Variants in RIPOR3 observed in about 807,000 individuals in gnomAD.
The protein encoded by RIPOR3 is family with sequence similarity 65 member C.
A neutral mutation model predicts 114.3 loss-of-function variants in RIPOR3; 95 were observed. The ratio of observed to expected loss-of-function variants is 0.83; its 90% CI spans 0.70 to 0.99. The LOEUF is 0.99. Ranked by LOEUF, RIPOR3 falls within the 50% of genes least tolerant of loss-of-function variation. The probability of loss-of-function intolerance (pLI) is 0.00; values close to 1 mark genes in which losing one functional copy is unlikely to be tolerated. For missense variants in RIPOR3, 1,252 were observed against 1,266.9 expected, an observed-to-expected ratio of 0.99 and a Z score of 0.18; for synonymous variants, 575 against 543.8, an observed-to-expected ratio of 1.06 and a Z score of -0.80.
At chr20:50,593,572 CAAA>C (rs1220033093) in intron 17 of RIPOR3, among the ~76,000 whole-genome samples, 1 of 142,096 alleles carries the variant, frequency 7.0e-6, no homozygotes, top group African/African-American at 2.6e-5. Flanking sequence ...AACCCCATCT[CAAA>C]AAAAAAAAGG....
chr20:50,678,772 T>G (rs1568964162), intron 1 of RIPOR3, among the ~76,000 whole-genome samples: 1 of 152,080 alleles, frequency 6.6e-6, no homozygotes, highest in African/African-American at 2.4e-5. Flanking sequence ...TGCAAGTGCT[T>G]TGCATGTTAT....
intron 3 of RIPOR3, among the ~76,000 whole-genome samples, chr20:50,617,753 G>A (rs1479672350): frequency 1.3e-5 from 2 of 150,584 alleles, no homozygotes; most frequent in African/African-American, 4.9e-5. Context: ...AGCCTCCCGA[G>A]TAGCTGGGAT....
intron 1 of RIPOR3, among the ~76,000 whole-genome samples, chr20:50,640,625 C>CCCTG (rs897218949): frequency 6.7e-6 from 1 of 148,640 alleles, no homozygotes; most frequent in Admixed American, 6.7e-5. Context: ...GGGACACAGA[C>CCCTG]CCTGCCCCCC....
intron 1 of RIPOR3, among the ~76,000 whole-genome samples, chr20:50,682,498 C>T (rs1256028377): frequency 1.3e-5 from 2 of 151,456 alleles, no homozygotes; most frequent in Non-Finnish European, 2.9e-5. Flanking sequence ...TCCCAGCTAC[C>T]AGGGAGGCTG....
intron 21 of RIPOR3, 86 bp downstream of exon 21, chr20:50,587,716 C>G: frequency 7.4e-7 from 1 of 1,350,098 alleles, no homozygotes; most frequent in Non-Finnish European, 1.0e-6. Context: ...GTTGTTCTGC[C>G]TGCTGGGAGA....
At chr20:50,610,805 A>G in intron 6 of RIPOR3, 48 bp downstream of exon 6, 1 of 1,613,246 alleles carries the variant, frequency 6.2e-7, no homozygotes, top group Non-Finnish European at 8.5e-7. Flanking sequence ...AGGCCCAGCA[A>G]GCTGGCACTG....
chr20:50,661,672 C>T (rs1358945201), intron 1 of RIPOR3, among the ~76,000 whole-genome samples: 1 of 152,160 alleles, frequency 6.6e-6, no homozygotes, highest in Non-Finnish European at 1.5e-5. Context: ...CTCGGAACTG[C>T]TGTTATCAGA....
At chr20:50,599,956 A>T (rs1054827717) in intron 13 of RIPOR3, among the ~76,000 whole-genome samples, 1 of 151,678 alleles carries the variant, frequency 6.6e-6, no homozygotes, top group Non-Finnish European at 1.5e-5. Context: ...GCTGGAGTGC[A>T]TTGGTGCGAT....
chr20:50,600,355 T>C, intron 13 of RIPOR3, among the ~76,000 whole-genome samples: 1 of 152,242 alleles, frequency 6.6e-6, no homozygotes, highest in East Asian at 1.9e-4. Flanking sequence ...ATGATTACAT[T>C]ATTGCGGCAT....
rs549196472 is a variant in RIPOR3, at chr20:50,657,211, A to AC, written c.4-26356dup. ...AGACCAGCCTTGGCAACATAGTGAG[A>AC]CCCCATCTCTCCACACACACAAAGA... On this transcript the variant is annotated intron_variant, in intron 1 of 21. Coordinates refer to ENST00000327979, the MANE Select transcript of RIPOR3 (RefSeq NM_001290268.2). 2.5e-3 allele frequency among the ~76,000 whole-genome samples: 381 copies of AC among 152,276 alleles called. 2 individuals carry two copies. In the Middle Eastern group the frequency reaches 0.027, roughly 11 times the overall value.
At chr20:50,604,308 T>C (rs1034346939) in intron 12 of RIPOR3, among the ~76,000 whole-genome samples, 4 of 152,144 alleles carry the variant, frequency 2.6e-5, no homozygotes, top group African/African-American at 9.7e-5. Flanking sequence ...CCCTGATCCA[T>C]GGAGATCAAC....
chr20:50,597,209 G>A (rs538441916), intron 14 of RIPOR3: 89 of 176,646 alleles, frequency 5.0e-4, no homozygotes, highest in Non-Finnish European at 9.8e-4. Flanking sequence ...CAGGTAATCC[G>A]CCTGCCTCGG....
At chr20:50,627,144 T>C (rs556013842) in intron 2 of RIPOR3, among the ~76,000 whole-genome samples, 18 of 151,746 alleles carry the variant, frequency 1.2e-4, no homozygotes, top group Non-Finnish European at 2.5e-4. Flanking sequence ...ATTGCACCAC[T>C]GCACACCTGG....
At chr20:50,603,069 T>C (rs1189216651) in intron 12 of RIPOR3, among the ~76,000 whole-genome samples, 1 of 152,234 alleles carries the variant, frequency 6.6e-6, no homozygotes, top group African/African-American at 2.4e-5. Context: ...AATTTCTACC[T>C]GGCCCCAGTG....
intron 1 of RIPOR3, among the ~76,000 whole-genome samples, chr20:50,642,972 CG>C (rs1258664536): frequency 2.0e-5 from 3 of 151,336 alleles, no homozygotes; most frequent in Admixed American, 2.0e-4. Flanking sequence ...TGCTTGAACC[CG>C]GGAGGCAGAG....
intron 1 of RIPOR3, among the ~76,000 whole-genome samples, chr20:50,658,241 A>G (rs1175636904): frequency 6.6e-6 from 1 of 152,236 alleles, no homozygotes; most frequent in South Asian, 2.1e-4. Flanking sequence ...TGGTGTGTAT[A>G]TATGCAATGA....
intron 7 of RIPOR3, 99 bp from the exon 8 acceptor site, chr20:50,609,455 C>T (rs544766843): frequency 1.1e-4 from 171 of 1,504,562 alleles, no homozygotes; most frequent in Non-Finnish European, 1.3e-4. Context: ...GGCAGAGAGA[C>T]GCCTCCTTGG....
intron 1 of RIPOR3, among the ~76,000 whole-genome samples, chr20:50,671,627 G>A (rs2086499152): frequency 6.6e-6 from 1 of 152,216 alleles, no homozygotes; most frequent in Non-Finnish European, 1.5e-5. Flanking sequence ...TTCTTAACCT[G>A]TATGTGTGTA....
In RIPOR3 at chr20:50,597,263, G is replaced by A. The variant is rs887320189; in HGVS notation, c.1790+317C>T. On this transcript the variant is annotated intron_variant, in intron 14 of 21. Transcript: ENST00000327979. ...TTACAGGCGTGAGCCACTGTGCCTG[G>A]CCTCAAAGAACTTCTACTATATACT... 1.4e-4 allele frequency: 35 copies of A among 256,158 alleles called. No homozygotes were observed. In the East Asian group the frequency reaches 3.1e-3, roughly 23 times the overall value. 15.9% of individuals were successfully genotyped at this position (256,158 alleles called of 1,614,324 possible).
Sources: gnomAD v4.1 joint callset for allele counts (sites outside exome capture counted in the v4.1 genomes callset) on GRCh38, gnomAD v4.1.1 for gene constraint, MANE v1.5 for transcripts, NCBI Gene and HGNC (gene_info 2026-07-23, HGNC 2026-07-21) for gene names.